The following GPR107 variants were observed in gnomAD, a reference collection of about 807,000 sequenced individuals.
GPR107 encodes G protein-coupled receptor 107.
In GPR107, 31 loss-of-function variants were observed where a neutral mutation model predicts 75.5. That is an observed-to-expected ratio of 0.41 (90% CI 0.31 to 0.55). The LOEUF is 0.55. Among genes scored for constraint, GPR107 ranks in the 20% least tolerant of loss-of-function variants. The probability of loss-of-function intolerance (pLI) is 0.26; values close to 1 mark genes in which losing one functional copy is unlikely to be tolerated. For missense variants in GPR107, 572 were observed against 665.7 expected, an observed-to-expected ratio of 0.86 and a Z score of 1.55; for synonymous variants, 267 against 251.3, an observed-to-expected ratio of 1.06 and a Z score of -0.59.
intron 12 of GPR107, among the ~76,000 whole-genome samples, chr9:130,102,875 C>T (rs1831069492): frequency 6.6e-6 from 1 of 152,196 alleles, no homozygotes; most frequent in Non-Finnish European, 1.5e-5. Flanking sequence ...CCCTAAACTC[C>T]TGGGCTCAGG....
intron 1 of GPR107, among the ~76,000 whole-genome samples, chr9:130,063,124 A>G (rs917570489): frequency 1.3e-5 from 2 of 152,160 alleles, no homozygotes; most frequent in Non-Finnish European, 2.9e-5. Flanking sequence ...TCAGGGTTTC[A>G]TCTCTTTTAA....
intron 1 of GPR107, among the ~76,000 whole-genome samples, chr9:130,065,179 G>A (rs554486132): frequency 2.0e-5 from 3 of 152,230 alleles, no homozygotes; most frequent in South Asian, 2.1e-4. Context: ...AGCCGGGCAC[G>A]GTGGCTCATG....
At chr9:130,134,384 A>G (rs1554899646) in intron 17 of GPR107, among the ~76,000 whole-genome samples, 1 of 152,238 alleles carries the variant, frequency 6.6e-6, no homozygotes, top group African/African-American at 2.4e-5. Flanking sequence ...GAATGGCTCC[A>G]TGGGGCCTCC....
intron 9 of GPR107, among the ~76,000 whole-genome samples, chr9:130,095,058 A>G (rs748417398): frequency 4.6e-5 from 7 of 152,076 alleles, no homozygotes; most frequent in Non-Finnish European, 8.8e-5. Context: ...GAAAAGTAAG[A>G]ACTAGGAGTC....
intron 14 of GPR107, among the ~76,000 whole-genome samples, chr9:130,119,202 C>T (rs927572088): frequency 1.3e-5 from 2 of 152,208 alleles, no homozygotes; most frequent in East Asian, 3.9e-4. Context: ...CTGCTCAGAG[C>T]GGGCTCCACC....
At chr9:130,087,763 G>A (rs1308503749) in intron 7 of GPR107, among the ~76,000 whole-genome samples, 1 of 138,178 alleles carries the variant, frequency 7.2e-6, no homozygotes, top group African/African-American at 2.7e-5. Flanking sequence ...CCTCGATCAT[G>A]CCACTGCACT....
In GPR107 at chr9:130,083,698, A is replaced by AT. The variant is rs1830545098; in HGVS notation, c.564+97dup. On this transcript the variant is annotated intron_variant, in intron 6 of 17. Coordinates refer to ENST00000347136, the MANE Select transcript of GPR107 (RefSeq NM_020960.5). ...TGTGTGTGTGTATTGATATATATAC[A>AT]TACATGCATGCACAGACACATACAT... 3 of 662,018 alleles carry AT rather than the reference A, an allele frequency of 4.5e-6. No homozygotes were observed. The East Asian group carries it at 9.2e-5, about 20-fold the overall frequency. 41.0% of individuals were successfully genotyped at this position (662,018 alleles called of 1,614,324 possible).
chr9:130,066,414 GA>G (rs1830069500), intron 1 of GPR107, among the ~76,000 whole-genome samples: 1 of 151,832 alleles, frequency 6.6e-6, no homozygotes, highest in African/African-American at 2.4e-5. Context: ...TGATGACGAC[GA>G]TGATGATGAT....
chr9:130,124,422 G>A (rs763980320), intron 14 of GPR107, among the ~76,000 whole-genome samples: 1 of 152,238 alleles, frequency 6.6e-6, no homozygotes, highest in African/African-American at 2.4e-5. Context: ...GATAACTTCA[G>A]TGAAATTTGC....
At chr9:130,116,891 A>G (rs922835990) in intron 14 of GPR107, among the ~76,000 whole-genome samples, 6 of 151,914 alleles carry the variant, frequency 3.9e-5, no homozygotes, top group Non-Finnish European at 5.9e-5. Flanking sequence ...TTAACTGTTC[A>G]GTTTGATGAC....
intron 8 of GPR107, among the ~76,000 whole-genome samples, chr9:130,091,456 G>A (rs1830734947): frequency 6.6e-6 from 1 of 151,696 alleles, no homozygotes; most frequent in Non-Finnish European, 1.5e-5. Context: ...ACTCCAGCCT[G>A]GGCAAAAGGG....
chr9:130,105,160 G>A (rs1405617219), intron 13 of GPR107, among the ~76,000 whole-genome samples: 1 of 152,064 alleles, frequency 6.6e-6, no homozygotes, highest in Non-Finnish European at 1.5e-5. Context: ...TTTACCCTTA[G>A]TGATATAATT....
At chr9:130,069,659 T>C (rs1383730792) in intron 1 of GPR107, among the ~76,000 whole-genome samples, 1 of 152,122 alleles carries the variant, frequency 6.6e-6, no homozygotes, top group African/African-American at 2.4e-5. Context: ...CCTACAGATA[T>C]TATTGGCAAC....
chr9:130,059,904 A>G (rs1026394220), intron 1 of GPR107, among the ~76,000 whole-genome samples: 1 of 151,572 alleles, frequency 6.6e-6, no homozygotes, highest in African/African-American at 2.4e-5. Context: ...ACACCTGGCC[A>G]ATTTTTTGTA....
chr9:130,057,501 TAA>T (rs5900883), intron 1 of GPR107, among the ~76,000 whole-genome samples: 97 of 134,890 alleles, frequency 7.2e-4, no homozygotes, highest in Non-Finnish European at 9.6e-4. Context: ...CCCTATTTCT[TAA>T]AAAAAAAAAA....
At position 130,119,111 on chromosome 9, in the gene GPR107, T is replaced by C. The variant is rs1831492426; in HGVS notation, c.1307-5804T>C. 6.6e-5 allele frequency among the ~76,000 whole-genome samples: 10 copies of C among 152,212 alleles called. No homozygotes were observed. The South Asian group carries it at 1.7e-3, about 25-fold the overall frequency. On this transcript the variant is annotated intron_variant, in intron 14 of 17. Transcript: ENST00000347136. ...GGTGTTCCTAAGTCAGGGAAATCTT[T>C]GGAAGAACAATGGAGGGAGTCGTGG...
intron 1 of GPR107, among the ~76,000 whole-genome samples, chr9:130,063,426 A>G (rs1168990098): frequency 6.6e-6 from 1 of 152,196 alleles, no homozygotes; most frequent in Non-Finnish European, 1.5e-5. Context: ...TCCTGACCTC[A>G]TGATCTGCCC....
chr9:130,110,790 T>C (rs1315591110), intron 14 of GPR107, among the ~76,000 whole-genome samples: 1 of 152,152 alleles, frequency 6.6e-6, no homozygotes, highest in Non-Finnish European at 1.5e-5. Flanking sequence ...TGGGCATGCT[T>C]CCAGTCGCTG....
Position 130,139,288 on chromosome 9 carries a change from C to T in GPR107, c.*4167C>T, listed in dbSNP as rs1344652627. On this transcript the variant is annotated 3_prime_UTR_variant, in exon 18 of 18. Coordinates refer to ENST00000347136, the MANE Select transcript of GPR107 (RefSeq NM_020960.5). ...AGTACCAAATGTTCTGAAAGACCCGCTCTTCACTCCAGTTTTCCCTAGGGT... is the reference window on the plus strand; with the variant it reads ...AGTACCAAATGTTCTGAAAGACCCGTTCTTCACTCCAGTTTTCCCTAGGGT... The T allele has an allele frequency of 2.0e-5, 3 of 152,220 alleles. No individual in the cohort carries two copies. The highest frequency in any genetic ancestry group is 4.4e-5 in the Non-Finnish European group (3 of 68,048). The allele number at this position is 152,220 out of a possible 1,614,324, so 9.4% of individuals were successfully genotyped here.
Sources: allele counts gnomAD v4.1 joint callset (sites outside exome capture counted in the v4.1 genomes callset), GRCh38; gene constraint gnomAD v4.1.1; transcripts MANE v1.5; gene names NCBI Gene and HGNC (gene_info 2026-07-23, HGNC 2026-07-21).